The following NEBL variants were observed in gnomAD, a reference collection of about 807,000 sequenced individuals.
The protein encoded by NEBL is LIM and SH3 protein 2.
In NEBL, 122 loss-of-function variants were observed where a neutral mutation model predicts 140.2. That is an observed-to-expected ratio of 0.87 (90% confidence interval 0.75 to 1.01). The LOEUF is 1.01. NEBL is among the 50% of genes least tolerant of loss of function. The pLI is 0.00. For missense variants in NEBL, 1,365 were observed against 1,231.3 expected (o/e 1.11, Z -1.62); for synonymous variants, 436 against 398.9 (o/e 1.09, Z -1.11).
At chr10:21,250,507 A>G (rs1842574155) in intron 2 of NEBL, among the ~76,000 whole-genome samples, 1 of 152,144 alleles carries the variant, frequency 6.6e-6, no homozygotes, top group Non-Finnish European at 1.5e-5. Context: ...ATATATATAC[A>G]TATACATATC....
At chr10:20,846,083 A>G (rs74120699) in intron 11 of NEBL, among the ~76,000 whole-genome samples, 3,415 of 152,236 alleles carry the variant, frequency 0.022, 146 homozygotes, top group African/African-American at 0.078. Context: ...TAGCCTTTTT[A>G]AAACACTGAG....
chr10:21,209,587 G>A (rs993896636), intron 3 of NEBL, among the ~76,000 whole-genome samples: 1 of 151,328 alleles, frequency 6.6e-6, no homozygotes, highest in Non-Finnish European at 1.5e-5. Context: ...ATAAGCAGAA[G>A]TCTGCAGGAT....
chr10:21,175,060 G>T (rs756525023), upstream of NEBL: 1 of 152,184 alleles, frequency 6.6e-6, no homozygotes, highest in Non-Finnish European at 1.5e-5. Flanking sequence ...CAAGTAGAAG[G>T]CTCAGGGTAG....
chr10:21,120,393 CATATAT>C lies in NEBL; in HGVS notation c.164+51984_164+51989del, dbSNP rs1201775144. On this transcript the variant is annotated intron_variant, in intron 2 of 6. Transcript: ENST00000417816. ...GTGTCTCAAAAAAAAAAAAAAAATA[CATATAT>C]ATATATATATATATATATATATATA... Among the ~76,000 whole-genome samples the C allele has an allele frequency of 1.0e-3, 62 of 59,516 alleles. 4 individuals are homozygous for C. Among genetic ancestry groups the C allele is most frequent in the African/African-American group, 5.2e-3 (43 of 8,244 alleles). 39.0% of individuals were successfully genotyped at this position (59,516 alleles called of 152,430 possible). A position where few individuals can be genotyped will look rare whatever the true frequency, so the allele number is the denominator to read the frequency against.
At chr10:20,813,565 A>G (rs1241859719) in intron 23 of NEBL, among the ~76,000 whole-genome samples, 1 of 152,208 alleles carries the variant, frequency 6.6e-6, no homozygotes, top group East Asian at 1.9e-4. Flanking sequence ...TATAATTTTT[A>G]AAACACACAT....
chr10:21,037,294 G>A (rs1295522559), intron 2 of NEBL, among the ~76,000 whole-genome samples: 1 of 151,996 alleles, frequency 6.6e-6, no homozygotes, highest in South Asian at 2.1e-4. Context: ...GGGAGAGAGC[G>A]AGCACAAGAG....
At chr10:20,813,313 A>G (rs895921761) in intron 23 of NEBL, among the ~76,000 whole-genome samples, 1 of 151,988 alleles carries the variant, frequency 6.6e-6, no homozygotes, top group African/African-American at 2.4e-5. Context: ...CAATAAAGTG[A>G]TATCTATTTC....
At chr10:21,266,238 C>T (rs868354177) in intron 1 of NEBL, among the ~76,000 whole-genome samples, 2 of 151,982 alleles carry the variant, frequency 1.3e-5, no homozygotes, top group Non-Finnish European at 2.9e-5. Flanking sequence ...GCCTCCCAGA[C>T]TCAGGTGATT....
chr10:21,121,887 T>C (rs1461518661), intron 2 of NEBL, among the ~76,000 whole-genome samples: 1 of 152,236 alleles, frequency 6.6e-6, no homozygotes. Flanking sequence ...ACTAAGCTTT[T>C]CTAAAACTTT....
chr10:20,816,498 C>T (rs1838733585), intron 21 of NEBL, among the ~76,000 whole-genome samples: 1 of 152,128 alleles, frequency 6.6e-6, no homozygotes, highest in Non-Finnish European at 1.5e-5. Context: ...ATAATGGAGT[C>T]ACATCAAGTA....
chr10:20,888,059 T>TG, intron 4 of NEBL, 38 bp downstream of exon 4: 1 of 1,379,156 alleles, frequency 7.3e-7, no homozygotes, highest in South Asian at 1.2e-5. Flanking sequence ...TTATATGTTT[T>TG]ATCTACAAAA....
intron 2 of NEBL, among the ~76,000 whole-genome samples, chr10:21,116,066 T>G (rs1838271232): frequency 6.6e-6 from 1 of 152,168 alleles, no homozygotes; most frequent in African/African-American, 2.4e-5. Flanking sequence ...ATTTAATGCA[T>G]GTCTATTTTA....
At chr10:20,952,447 A>T (rs1202156813) in intron 4 of NEBL, among the ~76,000 whole-genome samples, 1 of 151,808 alleles carries the variant, frequency 6.6e-6, no homozygotes, top group East Asian at 1.9e-4. Context: ...AAGGAAAAAA[A>T]AAAAAAAAAA....
At chr10:21,024,975 A>G (rs1838964857) in intron 2 of NEBL, among the ~76,000 whole-genome samples, 2 of 152,230 alleles carry the variant, frequency 1.3e-5, no homozygotes, top group South Asian at 4.1e-4. Context: ...ACTGCATTCA[A>G]AAGATTGTGA....
intron 26 of NEBL, among the ~76,000 whole-genome samples, chr10:20,792,179 A>G (rs1260446979): frequency 1.3e-5 from 2 of 151,984 alleles, no homozygotes; most frequent in Non-Finnish European, 2.9e-5. Flanking sequence ...TACTTTAACT[A>G]TAGATGTAAT....
chr10:21,002,762 C>T (rs760992972), intron 3 of NEBL, among the ~76,000 whole-genome samples: 13 of 152,070 alleles, frequency 8.5e-5, no homozygotes, highest in Non-Finnish European at 1.8e-4. Flanking sequence ...CTTACCATCA[C>T]GAGAACAACA....
At chr10:21,146,279 C>G (rs1839887392) in intron 2 of NEBL, 1 of 1,321,700 alleles carries the variant, frequency 7.6e-7, no homozygotes, top group Non-Finnish European at 1.1e-6. Flanking sequence ...TCATTTACAT[C>G]ACCACGTGGC....
chr10:21,058,937 A>G (rs1829817182), intron 2 of NEBL, among the ~76,000 whole-genome samples: 1 of 152,184 alleles, frequency 6.6e-6, no homozygotes, highest in South Asian at 2.1e-4. Flanking sequence ...CAAAGGTTCT[A>G]AGCCTTGATT....
intron 2 of NEBL, among the ~76,000 whole-genome samples, chr10:20,894,823 G>A (rs1223151722): frequency 1.2e-4 from 18 of 150,830 alleles, no homozygotes; most frequent in African/African-American, 3.9e-4. Flanking sequence ...CGGCTACTCG[G>A]GTGGCTGAGG....
Sources: gnomAD v4.1 joint callset for allele counts (sites outside exome capture counted in the v4.1 genomes callset) on GRCh38, gnomAD v4.1.1 for gene constraint, MANE v1.5 for transcripts, NCBI Gene and HGNC (gene_info 2026-07-23, HGNC 2026-07-21) for gene names.